Variants in DPYSL2 observed in about 807,000 individuals in gnomAD.
DPYSL2 encodes the protein dihydropyrimidinase like 2, also known as dihydropyrimidinase-related protein 2.
Under a neutral mutation model 69.9 loss-of-function variants are expected in DPYSL2, and 13 were observed. The ratio of observed to expected loss-of-function variants is 0.19; its 90% CI spans 0.12 to 0.30. DPYSL2 has a LOEUF of 0.30. Among genes scored for constraint, DPYSL2 ranks in the 10% least tolerant of loss-of-function variants. The pLI is 1.00. For missense variants in DPYSL2, 587 were observed against 918.9 expected, an observed-to-expected ratio of 0.64 and a Z score of 4.67; for synonymous variants, 326 against 359.1, an observed-to-expected ratio of 0.91 and a Z score of 1.04.
chr8:26,598,595 G>A lies in DPYSL2; in HGVS notation c.628+14612G>A, dbSNP rs572505716. ...GTGAGCACCTTTCCCCCCAGGCACA[G>A]TCCCTGCTTACGGGAGATTTGAGGC... On this transcript the variant is annotated intron_variant, in intron 3 of 13. Transcript: ENST00000521913. The surrounding 1 kb of genome is among the most constrained non-coding windows in gnomAD (Gnocchi z 4.2). 1.6e-3 allele frequency among the ~76,000 whole-genome samples: 244 copies of A among 152,336 alleles called. No individual in the cohort carries two copies. The highest frequency in any genetic ancestry group is 5.7e-3 in the African/African-American group (236 of 41,564).
At chr8:26,545,940 A>G (rs1235570309) in intron 1 of DPYSL2, among the ~76,000 whole-genome samples, 1 of 151,704 alleles carries the variant, frequency 6.6e-6, no homozygotes, top group African/African-American at 2.4e-5. Context: ...GACTTGTTCT[A>G]CTCCTTCAAT....
At chr8:26,572,034 C>T (rs560303077) in intron 1 of DPYSL2, among the ~76,000 whole-genome samples, 2 of 152,328 alleles carry the variant, frequency 1.3e-5, no homozygotes, top group South Asian at 2.1e-4. Context: ...ACCTTCTCTG[C>T]AGGCTGTGTT....
intron 3 of DPYSL2, among the ~76,000 whole-genome samples, chr8:26,599,554 C>G (rs1322815253): frequency 6.9e-6 from 1 of 145,966 alleles, no homozygotes; most frequent in Non-Finnish European, 1.5e-5. Flanking sequence ...TCCCCTCCCT[C>G]CACTCCTCTC....
At chr8:26,566,658 A>G (rs910450891) in intron 1 of DPYSL2, among the ~76,000 whole-genome samples, 1 of 152,146 alleles carries the variant, frequency 6.6e-6, no homozygotes, top group South Asian at 2.1e-4. Context: ...AGACACCCAC[A>G]GTCCTTCTAG....
rs1417170856 is a variant in DPYSL2, at chr8:26,624,470, G to C, written c.793+163G>C. Among the ~76,000 whole-genome samples the C allele has an allele frequency of 6.6e-6, 1 of 152,204 alleles. No homozygotes were observed. The highest frequency in any genetic ancestry group is 2.4e-5 in the African/African-American group (1 of 41,452). The stretch of plus-strand genomic sequence containing the variant: ...AGGGCTTTGGGCCGCAGCTTATGCT[G>C]TTTGGAGGTGGCCTTACCCAGTGCA... On this transcript the variant is annotated intron_variant, in intron 4 of 13. Transcript: ENST00000521913. This position sits in a 1 kb window ranked among gnomAD's most constrained non-coding sequence, Gnocchi z 4.7.
intron 3 of DPYSL2, among the ~76,000 whole-genome samples, chr8:26,601,288 T>A (rs1482331867): frequency 6.6e-6 from 1 of 152,172 alleles, no homozygotes; most frequent in Non-Finnish European, 1.5e-5. Flanking sequence ...TGAGGCTGAA[T>A]GAGGACTCAG....
In DPYSL2 at chr8:26,648,469, G is replaced by A. The variant is rs140706561; in HGVS notation, c.1596+669G>A. On this transcript the variant is annotated intron_variant, in intron 11 of 13. Transcript: ENST00000521913. This position sits in a 1 kb window ranked among gnomAD's most constrained non-coding sequence, Gnocchi z 4.3. ...TACGCTCCTCAGCTGAGAGTGAGGG[G>A]TTCAGACGAGGTCTCCAAGTGTCCT... 2.4e-4 allele frequency among the ~76,000 whole-genome samples: 37 copies of A among 152,288 alleles called. No homozygotes were observed. In the East Asian group the frequency reaches 6.0e-3, roughly 25 times the overall value.
At chr8:26,615,405 G>A (rs1389619351) in intron 3 of DPYSL2, among the ~76,000 whole-genome samples, 1 of 152,184 alleles carries the variant, frequency 6.6e-6, no homozygotes, top group African/African-American at 2.4e-5. Context: ...CCATTAGGAG[G>A]GCTTGAGTTT....
At chr8:26,567,125 C>T (rs1801162774) in intron 1 of DPYSL2, among the ~76,000 whole-genome samples, 1 of 151,030 alleles carries the variant, frequency 6.6e-6, no homozygotes, top group South Asian at 2.1e-4. Context: ...CTTATCCATC[C>T]ATCCATACAA....
chr8:26,519,179 AC>A (rs1808344910), intron 1 of DPYSL2, among the ~76,000 whole-genome samples: 1 of 152,250 alleles, frequency 6.6e-6, no homozygotes, highest in Non-Finnish European at 1.5e-5. Flanking sequence ...AAGACAGGCC[AC>A]GTATTCCAGG....
At position 26,647,602 on chromosome 8, in the gene DPYSL2, C is replaced by T; in HGVS notation, c.1426-28C>T. ...TTAACTCGTTTCTGCTGTGTGCCTC[C>T]TGTGCACACCTATGCTGTCTCCCTC... On this transcript the variant is annotated intron_variant, in intron 10 of 13. Coordinates refer to ENST00000521913, the MANE Select transcript of DPYSL2 (RefSeq NM_001197293.3). The surrounding 1 kb of genome is among the most constrained non-coding windows in gnomAD (Gnocchi z 5.1). The T allele has an allele frequency of 6.3e-7, 1 of 1,579,776 alleles. No homozygotes were observed. The highest frequency in any genetic ancestry group is 8.6e-7 in the Non-Finnish European group (1 of 1,164,372).
chr8:26,537,273 C>T (rs1336931953), intron 1 of DPYSL2, among the ~76,000 whole-genome samples: 2 of 152,080 alleles, frequency 1.3e-5, no homozygotes, highest in Non-Finnish European at 2.9e-5. Flanking sequence ...TTTGACCCTC[C>T]ACGTTCCTAT....
intron 1 of DPYSL2, among the ~76,000 whole-genome samples, chr8:26,523,090 T>G (rs1374119030): frequency 2.0e-5 from 3 of 151,936 alleles, no homozygotes; most frequent in Admixed American, 2.0e-4. Flanking sequence ...CTGAAGATCT[T>G]GTTCATATGT....
chr8:26,611,558 G>A (rs971181103), intron 3 of DPYSL2, among the ~76,000 whole-genome samples: 3 of 152,180 alleles, frequency 2.0e-5, no homozygotes, highest in African/African-American at 4.8e-5. Context: ...AGGGATATGA[G>A]GTGCTGTAAA....
rs1801139000 is a variant in DPYSL2 at position 26,565,833 on chromosome 8, A to C, written c.355-16136A>C. ...TGCTGGTGGTTCTAACATCTTCAAC[A>C]CACAGCTCCCAAGGTTGTCTGGGCA... On this transcript the variant is annotated intron_variant, in intron 1 of 13. Coordinates refer to ENST00000521913, the MANE Select transcript of DPYSL2 (RefSeq NM_001197293.3). This position sits in a 1 kb window ranked among gnomAD's most constrained non-coding sequence, Gnocchi z 4.1. 6.6e-6 allele frequency among the ~76,000 whole-genome samples: 1 copy of C among 152,200 alleles called. No homozygotes were observed. Among genetic ancestry groups the C allele is most frequent in the African/African-American group, 2.4e-5 (1 of 41,458 alleles).
chr8:26,540,904 C>CAA (rs56376341), intron 1 of DPYSL2, among the ~76,000 whole-genome samples: 1,848 of 102,508 alleles, frequency 0.018, 31 homozygotes, highest in Middle Eastern at 0.072. Flanking sequence ...GACTCTGTCT[C>CAA]AAAAAAAAAA....
rs1803320454 is a variant in DPYSL2, at chr8:26,653,457, G to A, written c.1942+60G>A. ...AGGGCCAGCTCGCTGGTGCTGGCGA[G>A]GCTACAGTTGCATTTGGAAAGGACA... On this transcript the variant is annotated intron_variant, in intron 13 of 13. Transcript: ENST00000521913. This position sits in a 1 kb window ranked among gnomAD's most constrained non-coding sequence, Gnocchi z 5.7. 1 of 1,520,560 alleles carries A rather than the reference G, an allele frequency of 6.6e-7. No homozygotes were observed. 94.2% of individuals were successfully genotyped at this position (1,520,560 alleles called of 1,614,324 possible).
chr8:26,535,239 G>A (rs1245377113), intron 1 of DPYSL2, among the ~76,000 whole-genome samples: 1 of 152,064 alleles, frequency 6.6e-6, no homozygotes, highest in Non-Finnish European at 1.5e-5. Flanking sequence ...CTTCTCACAA[G>A]GGAACTAACT....
At position 26,571,133 on chromosome 8, in the gene DPYSL2, G is replaced by C. The variant is rs1206874179; in HGVS notation, c.355-10836G>C. On this transcript the variant is annotated intron_variant, in intron 1 of 13. Coordinates refer to ENST00000521913, the MANE Select transcript of DPYSL2 (RefSeq NM_001197293.3). The surrounding 1 kb of genome is among the most constrained non-coding windows in gnomAD (Gnocchi z 6.1). ...CTGTGGTGAGTGGACCCCTCACTAG[G>C]TAGGGAGTGAGCCCTTCCTCCTAGT... Among the ~76,000 whole-genome samples, 2 of 152,214 alleles carry C rather than the reference G, an allele frequency of 1.3e-5. No homozygotes were observed. Among genetic ancestry groups the C allele is most frequent in the Non-Finnish European group, 2.9e-5 (2 of 68,030 alleles).
Sources: gnomAD v4.1 joint callset for allele counts (sites outside exome capture counted in the v4.1 genomes callset) on GRCh38, gnomAD v4.1.1 for gene constraint, Gnocchi (gnomAD v3.1) non-coding constraint, MANE v1.5 for transcripts, NCBI Gene and HGNC (gene_info 2026-07-23, HGNC 2026-07-21) for gene names.